Variants in CDH6 observed in about 807,000 individuals in gnomAD.
CDH6 encodes the protein cadherin 6, also known as cadherin-6.
CDH6 carries 31 observed loss-of-function variants against 78.0 expected under a neutral mutation model. The observed-to-expected ratio is 0.40, with a 90% CI of 0.30 to 0.54. CDH6 has a LOEUF of 0.54. Ranked by LOEUF, CDH6 falls within the 20% of genes least tolerant of loss-of-function variation. The pLI is 0.56. For synonymous variants in CDH6, 376 were observed against 368.8 expected (o/e 1.02, Z -0.23); for missense variants, 724 against 975.9 (o/e 0.74, Z 3.44).
chr5:31,312,425 G>A (rs541522726), intron 7 of CDH6, among the ~76,000 whole-genome samples: 9 of 152,308 alleles, frequency 5.9e-5, no homozygotes, highest in African/African-American at 1.4e-4. Flanking sequence ...GTAGCCAGTC[G>A]TGGTGGTTCA....
intron 2 of CDH6, among the ~76,000 whole-genome samples, chr5:31,268,153 T>C: frequency 6.6e-6 from 1 of 152,196 alleles, no homozygotes; most frequent in Non-Finnish European, 1.5e-5. Context: ...CTGCTACCTA[T>C]AGAACCATCC....
At chr5:31,251,820 G>T (rs1317230295) in intron 1 of CDH6, 3 of 152,080 alleles carry the variant, frequency 2.0e-5, no homozygotes, top group Admixed American at 2.0e-4. Flanking sequence ...CCATCAAGCT[G>T]CCCTTTTTAT....
intron 2 of CDH6, among the ~76,000 whole-genome samples, chr5:31,273,920 G>A (rs967557165): frequency 1.3e-5 from 2 of 151,916 alleles, no homozygotes; most frequent in African/African-American, 4.8e-5. Context: ...TTTTTTTTAA[G>A]CGTCTTTTTC....
intron 1 of CDH6, among the ~76,000 whole-genome samples, chr5:31,203,889 C>A (rs1205607811): frequency 1.3e-5 from 2 of 152,006 alleles, no homozygotes; most frequent in Admixed American, 6.6e-5. Context: ...TCCTATTTCT[C>A]CACATCCTCT....
intron 1 of CDH6, among the ~76,000 whole-genome samples, chr5:31,197,707 G>T (rs1010809587): frequency 6.6e-6 from 1 of 152,128 alleles, no homozygotes; most frequent in Admixed American, 6.6e-5. Context: ...TATTAGAGAA[G>T]AAATACAGAA....
chr5:31,299,435 C>T (rs1333352967), intron 4 of CDH6, 29 bp from the exon 5 acceptor site: 3 of 1,585,864 alleles, frequency 1.9e-6, no homozygotes, highest in Admixed American at 1.7e-5. Flanking sequence ...TAATGCATCC[C>T]TTTGCACTCT....
chr5:31,302,476 A>C (rs1336418189), intron 6 of CDH6, 178 bp downstream of exon 6: 1 of 492,150 alleles, frequency 2.0e-6, no homozygotes, highest in Non-Finnish European at 3.6e-6. Context: ...TAATCCCAGC[A>C]CTTTTGGGGG....
intron 2 of CDH6, among the ~76,000 whole-genome samples, chr5:31,272,643 G>T (rs1742559004): frequency 6.6e-6 from 1 of 152,134 alleles, no homozygotes; most frequent in African/African-American, 2.4e-5. Flanking sequence ...CAGAAGATTT[G>T]CACAGTACCA....
At chr5:31,216,977 C>T (rs1000626867) in intron 1 of CDH6, among the ~76,000 whole-genome samples, 1 of 151,978 alleles carries the variant, frequency 6.6e-6, no homozygotes, top group African/African-American at 2.4e-5. Context: ...GTTTTAGGGT[C>T]CTTCTCCCTG....
intron 1 of CDH6, among the ~76,000 whole-genome samples, chr5:31,266,004 CTGACCTCA>C (rs1372120401): frequency 2.4e-4 from 36 of 151,954 alleles, no homozygotes; most frequent in African/African-American, 8.5e-4. Flanking sequence ...TCTCGATCTC[CTGACCTCA>C]TGATCTGCCC....
intron 7 of CDH6, among the ~76,000 whole-genome samples, chr5:31,310,717 AC>A (rs1738123845): frequency 6.6e-6 from 1 of 152,008 alleles, no homozygotes; most frequent in Admixed American, 6.6e-5. Context: ...CAGGCCCAAC[AC>A]CATGTAGATG....
At chr5:31,279,576 T>A (rs1036483413) in intron 2 of CDH6, among the ~76,000 whole-genome samples, 10 of 151,682 alleles carry the variant, frequency 6.6e-5, no homozygotes, top group South Asian at 2.1e-4. Flanking sequence ...CCTCAAAAAA[T>A]ATATATATAA....
chr5:31,207,322 G>A (rs1179222450), intron 1 of CDH6, among the ~76,000 whole-genome samples: 1 of 152,180 alleles, frequency 6.6e-6, no homozygotes, highest in Non-Finnish European at 1.5e-5. Flanking sequence ...AGTTGAATGT[G>A]TTGACACTCA....
chr5:31,229,648 G>A (rs1036125116), intron 1 of CDH6, among the ~76,000 whole-genome samples: 18 of 152,150 alleles, frequency 1.2e-4, no homozygotes, highest in Non-Finnish European at 2.5e-4. Flanking sequence ...AAGAAACTCC[G>A]GAGTCCCACC....
intron 1 of CDH6, among the ~76,000 whole-genome samples, chr5:31,226,631 C>T (rs72635211): frequency 0.12 from 18,875 of 152,190 alleles, 1,396 homozygotes; most frequent in East Asian, 0.27. Flanking sequence ...GTGCAGTTCT[C>T]CTACTTCTTG....
At chr5:31,282,854 T>G (rs1192562234) in intron 2 of CDH6, among the ~76,000 whole-genome samples, 1 of 152,234 alleles carries the variant, frequency 6.6e-6, no homozygotes. Flanking sequence ...AAGGTCTATT[T>G]CAGGGGTTAT....
At chr5:31,213,754 C>T (rs1470529689) in intron 1 of CDH6, among the ~76,000 whole-genome samples, 2 of 152,132 alleles carry the variant, frequency 1.3e-5, no homozygotes, top group Non-Finnish European at 2.9e-5. Flanking sequence ...AGCCGAATAG[C>T]ACATTGCCCT....
intron 1 of CDH6, among the ~76,000 whole-genome samples, chr5:31,196,955 G>A (rs116161708): frequency 0.01 from 1,556 of 150,728 alleles, 33 homozygotes; most frequent in African/African-American, 0.036. Context: ...GAGCGCCGCC[G>A]CCCCCCGCCC....
In CDH6 at chr5:31,323,160, G is replaced by A. The variant is rs761736994; in HGVS notation, c.2225G>A (p.Gly742Asp). ...TCCTTGGCCACTTACGCCTATGAAGGCACTGGCTCCGTGGCGGATTCCCTG... is the reference window on the plus strand; with the variant it reads ...TCCTTGGCCACTTACGCCTATGAAGACACTGGCTCCGTGGCGGATTCCCTG... Reference protein sequence around the residue: ...YDSLATYAYEGTGSVADSLSS... With the variant: ...YDSLATYAYEDTGSVADSLSS... Residue 742 changes from glycine (G) to aspartate (D), a missense_variant, in exon 12 of 12, where the codon GGC becomes GAC. Physicochemically the swap from Gly to Asp is moderately conservative, Grantham distance 94. Transcript: ENST00000265071. 1.2e-6 allele frequency: 2 copies of A among 1,614,152 alleles called. No homozygotes were observed. Among genetic ancestry groups the A allele is most frequent in the Admixed American group, 3.3e-5 (2 of 60,022 alleles).
Sources: gnomAD v4.1 joint callset for allele counts (sites outside exome capture counted in the v4.1 genomes callset) on GRCh38, gnomAD v4.1.1 for gene constraint, MANE v1.5 for transcripts, NCBI Gene and HGNC (gene_info 2026-07-23, HGNC 2026-07-21) for gene names.